The following MARCHF1 variants were observed in gnomAD, a reference collection of about 807,000 sequenced individuals.
MARCHF1 encodes the protein membrane associated ring-CH-type finger 1.
A neutral mutation model predicts 54.2 loss-of-function variants in MARCHF1; 40 were observed. That is an observed-to-expected ratio of 0.74 (90% CI 0.57 to 0.96). MARCHF1 has a LOEUF of 0.96. MARCHF1 is among the 40% of genes least tolerant of loss of function. MARCHF1 has a pLI of 0.00. For synonymous variants in MARCHF1, 236 were observed against 236.3 expected, an observed-to-expected ratio of 1.00 and a Z score of 0.01; for missense variants, 586 against 656.5, an observed-to-expected ratio of 0.89 and a Z score of 1.17.
chr4:164,202,228 C>T (rs1024036717), intron 1 of MARCHF1, among the ~76,000 whole-genome samples: 2 of 152,108 alleles, frequency 1.3e-5, no homozygotes, highest in Non-Finnish European at 2.9e-5. Flanking sequence ...TTAGATGATT[C>T]GAAGGATGAA....
intron 3 of MARCHF1, among the ~76,000 whole-genome samples, chr4:163,957,606 G>T (rs1415809440): frequency 6.6e-6 from 1 of 151,956 alleles, no homozygotes; most frequent in East Asian, 1.9e-4. Context: ...CATGTAAACT[G>T]AACTCTTGGT....
intron 2 of MARCHF1, among the ~76,000 whole-genome samples, chr4:164,055,014 T>C (rs947210699): frequency 2.6e-5 from 4 of 152,210 alleles, no homozygotes; most frequent in Non-Finnish European, 4.4e-5. Context: ...TCTAATTAAA[T>C]TCTCTGTTTA....
At chr4:164,326,984 T>TGTGTGTGG (rs1473427381) in intron 1 of MARCHF1, among the ~76,000 whole-genome samples, 26 of 151,568 alleles carry the variant, frequency 1.7e-4, no homozygotes, top group African/African-American at 6.3e-4. Flanking sequence ...TGTGTGTGTG[T>TGTGTGTGG]GTGTGTGTGT....
chr4:163,709,842 C>T (rs764610865), intron 4 of MARCHF1, among the ~76,000 whole-genome samples: 3 of 152,192 alleles, frequency 2.0e-5, no homozygotes, highest in Non-Finnish European at 4.4e-5. Flanking sequence ...ATGTTTACCT[C>T]ATAGAATTTC....
At chr4:163,803,627 T>A (rs549735291) in intron 4 of MARCHF1, among the ~76,000 whole-genome samples, 1 of 152,208 alleles carries the variant, frequency 6.6e-6, no homozygotes. Flanking sequence ...CTTGAGATTA[T>A]GATATTGATA....
chr4:163,823,025 C>T (rs557153909), intron 4 of MARCHF1, among the ~76,000 whole-genome samples: 1 of 151,980 alleles, frequency 6.6e-6, no homozygotes, highest in East Asian at 1.9e-4. Flanking sequence ...CACAAACAGG[C>T]TTACTTCATT....
At chr4:164,138,346 C>A (rs1479377367) in intron 1 of MARCHF1, among the ~76,000 whole-genome samples, 2 of 151,584 alleles carry the variant, frequency 1.3e-5, no homozygotes, top group East Asian at 3.9e-4. Flanking sequence ...ATACATACCA[C>A]AAAACTAAAT....
chr4:163,615,468 T>C (rs1741479574), intron 5 of MARCHF1, among the ~76,000 whole-genome samples: 1 of 151,426 alleles, frequency 6.6e-6, no homozygotes. Flanking sequence ...AAAAGAGAAA[T>C]CCCATTTATA....
At chr4:163,952,686 G>A (rs1057414761) in intron 3 of MARCHF1, among the ~76,000 whole-genome samples, 1 of 152,124 alleles carries the variant, frequency 6.6e-6, no homozygotes, top group African/African-American at 2.4e-5. Context: ...AATCTGCTTT[G>A]AGAAAGTACA....
intron 2 of MARCHF1, among the ~76,000 whole-genome samples, chr4:164,068,252 G>A (rs973771878): frequency 4.6e-5 from 7 of 152,222 alleles, no homozygotes; most frequent in South Asian, 2.1e-4. Flanking sequence ...CGCAGCCCTC[G>A]CTCACTCTCG....
At chr4:164,117,199 G>A (rs989161349) in intron 1 of MARCHF1, among the ~76,000 whole-genome samples, 3 of 151,844 alleles carry the variant, frequency 2.0e-5, no homozygotes, top group African/African-American at 7.3e-5. Context: ...CAGAGGTTGC[G>A]GTGAGCCGAG....
intron 5 of MARCHF1, among the ~76,000 whole-genome samples, chr4:163,699,346 T>C (rs1744733336): frequency 6.6e-6 from 1 of 152,234 alleles, no homozygotes; most frequent in Non-Finnish European, 1.5e-5. Flanking sequence ...ATGGCAGGCA[T>C]GCTTACTCTT....
intron 4 of MARCHF1, among the ~76,000 whole-genome samples, chr4:163,835,224 C>G (rs142042065): frequency 0.022 from 3,325 of 152,130 alleles, 60 homozygotes; most frequent in Non-Finnish European, 0.031. Flanking sequence ...GGAATAAATT[C>G]CATCATAACT....
chr4:164,248,521 G>A (rs1369694771), intron 1 of MARCHF1, among the ~76,000 whole-genome samples: 1 of 151,970 alleles, frequency 6.6e-6, no homozygotes, highest in Admixed American at 6.6e-5. Flanking sequence ...TTTCCTCCAT[G>A]TTATCAAAGG....
chr4:164,017,868 G>A lies in MARCHF1; in HGVS notation c.-247-29159C>T, dbSNP rs541862114. Among the ~76,000 whole-genome samples, 75 of 144,590 alleles carry A rather than the reference G, an allele frequency of 5.2e-4. 1 individual carries two copies. In the South Asian group the frequency reaches 7.4e-3, roughly 14 times the overall value. 94.9% of individuals were successfully genotyped at this position (144,590 alleles called of 152,430 possible). On this transcript the variant is annotated intron_variant, in intron 2 of 9. Transcript: ENST00000514618. ...AAAAAAAAAGTTGAAAAAGATCAAA[G>A]TTGAGGAACATGCATTATCAGGTTT...
intron 2 of MARCHF1, among the ~76,000 whole-genome samples, chr4:164,106,702 C>T (rs1755709644): frequency 6.8e-6 from 1 of 146,386 alleles, no homozygotes; most frequent in Non-Finnish European, 1.5e-5. Flanking sequence ...ACCAGCATGG[C>T]ACATGTATAC....
intron 4 of MARCHF1, among the ~76,000 whole-genome samples, chr4:163,783,058 T>C (rs1036019363): frequency 6.6e-6 from 1 of 152,166 alleles, no homozygotes; most frequent in African/African-American, 2.4e-5. Context: ...ATCAGAAATA[T>C]AAATGATTTA....
chr4:163,724,873 T>A (rs1423223069), intron 4 of MARCHF1, among the ~76,000 whole-genome samples: 1 of 152,138 alleles, frequency 6.6e-6, no homozygotes, highest in Non-Finnish European at 1.5e-5. Context: ...AGTATTAGGG[T>A]GGGAGTGACC....
intron 2 of MARCHF1, among the ~76,000 whole-genome samples, chr4:164,075,703 T>C (rs1314932996): frequency 6.6e-6 from 1 of 152,234 alleles, no homozygotes; most frequent in Non-Finnish European, 1.5e-5. Context: ...CTATTTGGTC[T>C]TTAGGACATT....
Sources: gnomAD v4.1 joint callset for allele counts (sites outside exome capture counted in the v4.1 genomes callset) on GRCh38, gnomAD v4.1.1 for gene constraint, MANE v1.5 for transcripts, NCBI Gene and HGNC (gene_info 2026-07-23, HGNC 2026-07-21) for gene names.